Variants in CNTN3 observed in about 807,000 individuals in gnomAD.
CNTN3 encodes contactin 3, also known as contactin-3.
Under a neutral mutation model 119.1 loss-of-function variants are expected in CNTN3, and 60 were observed. That is an observed-to-expected ratio of 0.50 (90% CI 0.41 to 0.62). The LOEUF (loss-of-function observed/expected upper bound fraction) is 0.62. CNTN3 is among the 20% of genes least tolerant of loss of function. CNTN3 has a pLI of 0.00. For synonymous variants in CNTN3, 450 were observed against 438.7 expected, an observed-to-expected ratio of 1.03 and a Z score of -0.32; for missense variants, 1,101 against 1,242.4, an observed-to-expected ratio of 0.89 and a Z score of 1.71.
At chr3:74,375,954 T>G (rs1407345305) in intron 5 of CNTN3, among the ~76,000 whole-genome samples, 1 of 152,130 alleles carries the variant, frequency 6.6e-6, no homozygotes, top group Non-Finnish European at 1.5e-5. Context: ...GTAGGCCCAC[T>G]GTAATCACCA....
At position 74,413,804 on chromosome 3, in the gene CNTN3, A is replaced by G. The variant is rs77272224; in HGVS notation, c.454+11041T>C. 2.2e-3 allele frequency among the ~76,000 whole-genome samples: 339 copies of G among 152,282 alleles called. 15 individuals are homozygous for G. The East Asian group carries it at 0.059, about 27-fold the overall frequency. On this transcript the variant is annotated intron_variant, in intron 5 of 22. Coordinates refer to ENST00000263665, the MANE Select transcript of CNTN3 (RefSeq NM_020872.3). ...TTTCAAAGTCCAACTTGCTCAATTTAATGAGGAAAAACAGGTTTTAAATAA... is the reference window on the plus strand; with the variant it reads ...TTTCAAAGTCCAACTTGCTCAATTTGATGAGGAAAAACAGGTTTTAAATAA...
At chr3:74,520,800 A>G (rs1703530996) in intron 2 of CNTN3, among the ~76,000 whole-genome samples, 2 of 151,634 alleles carry the variant, frequency 1.3e-5, no homozygotes, top group African/African-American at 2.4e-5. Flanking sequence ...TCATAATACC[A>G]AAGCATAATA....
intron 20 of CNTN3, among the ~76,000 whole-genome samples, chr3:74,274,435 G>A (rs1001277778): frequency 4.6e-5 from 7 of 152,094 alleles, no homozygotes; most frequent in African/African-American, 1.7e-4. Context: ...AACAGGTGCT[G>A]GTATCCATGG....
At chr3:74,410,212 T>C (rs981169916) in intron 5 of CNTN3, among the ~76,000 whole-genome samples, 1 of 152,192 alleles carries the variant, frequency 6.6e-6, no homozygotes, top group Non-Finnish European at 1.5e-5. Context: ...CCTCCCATTG[T>C]ATGGCTCAGG....
chr3:74,595,923 T>C (rs1212286959), intron 1 of CNTN3, among the ~76,000 whole-genome samples: 1 of 152,076 alleles, frequency 6.6e-6, no homozygotes, highest in African/African-American at 2.4e-5. Context: ...GACGACATGA[T>C]AGTATATCTA....
At chr3:74,600,328 G>T (rs1431589504) in intron 1 of CNTN3, among the ~76,000 whole-genome samples, 1 of 152,034 alleles carries the variant, frequency 6.6e-6, no homozygotes, top group African/African-American at 2.4e-5. Context: ...CAGTAGAAAA[G>T]TTCACTCACA....
chr3:74,267,468 T>C (rs1486845180), intron 20 of CNTN3, 90 bp from the exon 21 acceptor site: 6 of 873,992 alleles, frequency 6.9e-6, no homozygotes, highest in Non-Finnish European at 9.6e-6. Context: ...AGGAAGCTAG[T>C]GGAAGTAGAA....
In CNTN3 at chr3:74,420,917, C is replaced by A. The variant is rs1482931756; in HGVS notation, c.454+3928G>T. Among the ~76,000 whole-genome samples, 3 of 152,248 alleles carry A rather than the reference C, an allele frequency of 2.0e-5. No homozygotes were observed. In the East Asian group the frequency reaches 5.8e-4, roughly 30 times the overall value. The stretch of plus-strand genomic sequence containing the variant: ...CTGAAGCTTAGTTTCTGGCCTCCTG[C>A]CTCATGTGCCATTTCTAAGCAGGAA... On this transcript the variant is annotated intron_variant, in intron 5 of 22. Coordinates refer to ENST00000263665, the MANE Select transcript of CNTN3 (RefSeq NM_020872.3).
intron 3 of CNTN3, among the ~76,000 whole-genome samples, chr3:74,486,835 G>A (rs541779259): frequency 1.2e-4 from 18 of 152,252 alleles, no homozygotes; most frequent in African/African-American, 4.1e-4. Flanking sequence ...GTATAACAGA[G>A]TAGCATCTAG....
intron 1 of CNTN3, among the ~76,000 whole-genome samples, chr3:74,551,024 C>G (rs558828108): frequency 6.6e-6 from 1 of 152,182 alleles, no homozygotes; most frequent in African/African-American, 2.4e-5. Context: ...TTTAGGAAAC[C>G]AACATGCCAC....
At chr3:74,475,262 T>C (rs1702634411) in intron 4 of CNTN3, among the ~76,000 whole-genome samples, 1 of 152,182 alleles carries the variant, frequency 6.6e-6, no homozygotes, top group South Asian at 2.1e-4. Context: ...GTTCCACAAA[T>C]AGCACAGCAA....
chr3:74,466,355 T>C (rs1016687998), intron 4 of CNTN3, among the ~76,000 whole-genome samples: 4 of 152,142 alleles, frequency 2.6e-5, no homozygotes, highest in African/African-American at 7.2e-5. Context: ...CAAAATACAG[T>C]GTTAGAAAAA....
At chr3:74,408,845 T>C (rs764722021) in intron 5 of CNTN3, among the ~76,000 whole-genome samples, 7 of 152,196 alleles carry the variant, frequency 4.6e-5, no homozygotes, top group Non-Finnish European at 1.0e-4. Context: ...CATCATTGTT[T>C]CATAAAGAGC....
intron 4 of CNTN3, among the ~76,000 whole-genome samples, chr3:74,426,733 C>T (rs1367159852): frequency 1.3e-5 from 2 of 152,142 alleles, no homozygotes; most frequent in Non-Finnish European, 2.9e-5. Context: ...AACTAAAATG[C>T]AACATTCTCA....
intron 4 of CNTN3, among the ~76,000 whole-genome samples, chr3:74,471,424 TC>T (rs1702564695): frequency 6.6e-6 from 1 of 152,212 alleles, no homozygotes; most frequent in Non-Finnish European, 1.5e-5. Flanking sequence ...GATTTTAAAA[TC>T]GATTTCTTCC....
At chr3:74,348,503 T>C (rs1703744207) in intron 11 of CNTN3, among the ~76,000 whole-genome samples, 1 of 152,130 alleles carries the variant, frequency 6.6e-6, no homozygotes, top group Non-Finnish European at 1.5e-5. Context: ...TCATTCTTAA[T>C]GCCTTTAGCT....
intron 14 of CNTN3, among the ~76,000 whole-genome samples, chr3:74,302,308 G>A (rs1702476694): frequency 6.6e-6 from 1 of 152,110 alleles, no homozygotes; most frequent in Non-Finnish European, 1.5e-5. Flanking sequence ...GAATAATCCT[G>A]ATACTTTTTT....
chr3:74,393,855 C>T (rs1157707655), intron 5 of CNTN3, among the ~76,000 whole-genome samples: 4 of 152,124 alleles, frequency 2.6e-5, no homozygotes, highest in Admixed American at 2.0e-4. Flanking sequence ...ATGACAAGCA[C>T]AATTGTAGCT....
At chr3:74,441,702 TA>T (rs1026269442) in intron 4 of CNTN3, among the ~76,000 whole-genome samples, 3 of 152,188 alleles carry the variant, frequency 2.0e-5, no homozygotes, top group African/African-American at 7.2e-5. Flanking sequence ...TCTGTTGGAA[TA>T]AATGTACCAA....
Sources: allele counts gnomAD v4.1 joint callset (sites outside exome capture counted in the v4.1 genomes callset), GRCh38; gene constraint gnomAD v4.1.1; transcripts MANE v1.5; gene names NCBI Gene and HGNC (gene_info 2026-07-23, HGNC 2026-07-21).